The following CADM2 variants were observed in gnomAD, a reference collection of about 807,000 sequenced individuals.
CADM2 encodes the protein cell adhesion molecule 2.
Under a neutral mutation model 49.8 loss-of-function variants are expected in CADM2, and 12 were observed. The ratio of observed to expected loss-of-function variants is 0.24; its 90% CI spans 0.15 to 0.39. The LOEUF (loss-of-function observed/expected upper bound fraction) is 0.39. Ranked by LOEUF, CADM2 falls within the 10% of genes least tolerant of loss-of-function variation. The pLI, the probability that CADM2 is intolerant of heterozygous loss-of-function variation, is 1.00. For synonymous variants in CADM2, 214 were observed against 175.4 expected (o/e 1.22, Z -1.74); for missense variants, 378 against 492.3 (o/e 0.77, Z 2.20).
rs368793338 is a variant in CADM2, at chr3:85,400,480, C to A, written c.62-326042C>A. 7.2e-5 allele frequency among the ~76,000 whole-genome samples: 11 copies of A among 152,164 alleles called. No individual in the cohort carries two copies. In the East Asian group the frequency reaches 1.9e-3, roughly 27 times the overall value. On this transcript the variant is annotated intron_variant, in intron 1 of 9. Coordinates refer to ENST00000383699, the MANE Select transcript of CADM2 (RefSeq NM_001167675.2). ...TGGCCTCATAAAATGAGTTAGGGAG[C>A]ATTTCCTCTTTTTCTATTGATTGGA...
intron 1 of CADM2, among the ~76,000 whole-genome samples, chr3:84,984,387 A>C: frequency 1.6e-5 from 2 of 123,176 alleles, no homozygotes; most frequent in Non-Finnish European, 3.4e-5. Context: ...AAAAAAAAAC[A>C]CTTGAGGCTG....
intron 1 of CADM2, among the ~76,000 whole-genome samples, chr3:85,551,459 C>G (rs1271961263): frequency 1.3e-5 from 2 of 152,038 alleles, no homozygotes; most frequent in African/African-American, 4.8e-5. Flanking sequence ...AGTCAGGTAC[C>G]CTAAGTAGCC....
chr3:85,973,615 T>C (rs763248447), intron 8 of CADM2, among the ~76,000 whole-genome samples: 3 of 151,800 alleles, frequency 2.0e-5, no homozygotes, highest in Non-Finnish European at 4.4e-5. Flanking sequence ...CATACTTTAT[T>C]ATTAAAAAGA....
intron 8 of CADM2, among the ~76,000 whole-genome samples, chr3:86,020,794 A>C (rs1733051711): frequency 6.6e-6 from 1 of 152,188 alleles, no homozygotes; most frequent in African/African-American, 2.4e-5. Flanking sequence ...ACAACTCTTC[A>C]TGCTAAAATC....
At chr3:85,139,313 T>C (rs1236493164) in intron 1 of CADM2, among the ~76,000 whole-genome samples, 1 of 152,196 alleles carries the variant, frequency 6.6e-6, no homozygotes, top group Non-Finnish European at 1.5e-5. Flanking sequence ...TTTGGAATTC[T>C]TTTGAACTAT....
intron 1 of CADM2, among the ~76,000 whole-genome samples, chr3:85,551,075 C>T (rs1378339725): frequency 6.6e-6 from 1 of 152,110 alleles, no homozygotes; most frequent in Non-Finnish European, 1.5e-5. Context: ...CCTCTACCTC[C>T]AAGGTTCAAA....
intron 1 of CADM2, among the ~76,000 whole-genome samples, chr3:85,065,493 A>G (rs2036495803): frequency 6.6e-6 from 1 of 152,122 alleles, no homozygotes; most frequent in South Asian, 2.1e-4. Flanking sequence ...AAATCTCAAT[A>G]CACCTTCATG....
rs201552618 is a variant in CADM2 at position 85,769,623 on chromosome 3, GTA to G, written c.89-32415_89-32414del. Among the ~76,000 whole-genome samples, 13 of 36,818 alleles carry G rather than the reference GTA, an allele frequency of 3.5e-4. 1 individual carries two copies. Among genetic ancestry groups the G allele is most frequent in the African/African-American group, 5.2e-4 (5 of 9,574 alleles). 24.2% of individuals were successfully genotyped at this position (36,818 alleles called of 152,430 possible). The stretch of plus-strand genomic sequence containing the variant: ...ACATATATACATATATACATATATA[GTA>G]TATATATACACATATATACATATAT... On this transcript the variant is annotated intron_variant, in intron 2 of 9. Transcript: ENST00000383699.
chr3:85,628,053 T>C (rs955539723), intron 1 of CADM2, among the ~76,000 whole-genome samples: 5 of 152,062 alleles, frequency 3.3e-5, no homozygotes, highest in Non-Finnish European at 5.9e-5. Context: ...GAATCGGTAG[T>C]AATAAAAGCA....
chr3:84,977,290 A>G (rs1436098781), intron 1 of CADM2, among the ~76,000 whole-genome samples: 1 of 152,030 alleles, frequency 6.6e-6, no homozygotes, highest in Non-Finnish European at 1.5e-5. Context: ...ATATAACTAG[A>G]TAAGAACTTA....
In CADM2 at chr3:85,298,893, C is replaced by T. The variant is rs1460554972; in HGVS notation, c.61+339225C>T. On this transcript the variant is annotated intron_variant, in intron 1 of 9. Transcript: ENST00000383699. ...AGGACATCTTTAAGGTAAACTATTT[C>T]AAATCTAGAACCAGAATAGTGTGTA... Among the ~76,000 whole-genome samples, 2 of 151,970 alleles carry T rather than the reference C, an allele frequency of 1.3e-5. 1 individual carries two copies. The highest frequency in any genetic ancestry group is 2.9e-5 in the Non-Finnish European group (2 of 67,960).
In CADM2 at chr3:86,010,025, GA is replaced by G. The variant is rs761170725; in HGVS notation, c.970+48381del. Among the ~76,000 whole-genome samples the G allele has an allele frequency of 7.2e-5, 11 of 151,898 alleles. No individual in the cohort carries two copies. In the East Asian group the frequency reaches 1.5e-3, roughly 21 times the overall value. On this transcript the variant is annotated intron_variant, in intron 8 of 9. Transcript: ENST00000383699. ...TTGCTGTTCCTTCTAGGCCTACCTG[GA>G]AAGTCCGACATTAACTCTGCTCTAT...
intron 1 of CADM2, among the ~76,000 whole-genome samples, chr3:85,643,693 G>T (rs996955712): frequency 1.3e-5 from 2 of 152,062 alleles, no homozygotes; most frequent in Non-Finnish European, 2.9e-5. Flanking sequence ...GCATTTCTTT[G>T]TGATACTATA....
At chr3:86,006,423 G>C (rs1730797282) in intron 8 of CADM2, among the ~76,000 whole-genome samples, 1 of 152,174 alleles carries the variant, frequency 6.6e-6, no homozygotes, top group Non-Finnish European at 1.5e-5. Flanking sequence ...TCCACCAACA[G>C]ATAAGCTGTG....
chr3:85,146,684 A>G (rs1173779672), intron 1 of CADM2, among the ~76,000 whole-genome samples: 1 of 152,190 alleles, frequency 6.6e-6, no homozygotes, highest in Admixed American at 6.5e-5. Flanking sequence ...TAAGTTTCCA[A>G]ATATCACTTT....
At chr3:85,589,331 A>G (rs2063038003) in intron 1 of CADM2, among the ~76,000 whole-genome samples, 1 of 152,046 alleles carries the variant, frequency 6.6e-6, no homozygotes, top group African/African-American at 2.4e-5. Flanking sequence ...CTTAGGCACA[A>G]TAGCATTGGG....
At chr3:85,577,457 CT>C (rs1311482246) in intron 1 of CADM2, among the ~76,000 whole-genome samples, 1 of 152,142 alleles carries the variant, frequency 6.6e-6, no homozygotes, top group African/African-American at 2.4e-5. Flanking sequence ...GCCCTTCCTC[CT>C]TCTGCCATGC....
intron 3 of CADM2, among the ~76,000 whole-genome samples, chr3:85,839,505 G>A (rs2074548760): frequency 6.6e-6 from 1 of 151,532 alleles, no homozygotes; most frequent in South Asian, 2.1e-4. Context: ...TTAACCTTAG[G>A]ACTATTTCTT....
intron 1 of CADM2, among the ~76,000 whole-genome samples, chr3:85,313,973 C>T (rs371433347): frequency 1.3e-5 from 2 of 152,272 alleles, no homozygotes; most frequent in African/African-American, 4.8e-5. Flanking sequence ...TCACTGCAAC[C>T]TCCAGCTCCT....
Sources: gnomAD v4.1 joint callset for allele counts (sites outside exome capture counted in the v4.1 genomes callset) on GRCh38, gnomAD v4.1.1 for gene constraint, MANE v1.5 for transcripts, NCBI Gene and HGNC (gene_info 2026-07-23, HGNC 2026-07-21) for gene names.